Variants in MCC observed in about 807,000 individuals in gnomAD.
MCC encodes colorectal mutant cancer protein.
MCC carries 90 observed loss-of-function variants against 116.2 expected under a neutral mutation model. The ratio of observed to expected loss-of-function variants is 0.77; its 90% CI spans 0.65 to 0.92. The LOEUF (loss-of-function observed/expected upper bound fraction) is 0.92. Ranked by LOEUF, MCC falls within the 40% of genes least tolerant of loss-of-function variation. The probability of loss-of-function intolerance (pLI) is 0.00; values close to 1 mark genes in which losing one functional copy is unlikely to be tolerated. For synonymous variants in MCC, 578 were observed against 510.5 expected (o/e 1.13, Z -1.78); for missense variants, 1,516 against 1,312.2 (o/e 1.16, Z -2.40).
chr5:113,063,974 T>C lies in MCC; in HGVS notation c.2213+10A>G, dbSNP rs1753402153. 1.2e-6 allele frequency: 2 copies of C among 1,608,512 alleles called. No homozygotes were observed. Among genetic ancestry groups the C allele is most frequent in the South Asian group, 2.2e-5 (2 of 90,482 alleles). On this transcript the variant is annotated intron_variant, in intron 14 of 18. Coordinates refer to ENST00000408903, the MANE Select transcript of MCC (RefSeq NM_001085377.2). ...ACACGCCCACCCCAGAGCAGAAGGC[T>C]GAGCATTACCTGGTGTGGCTGTTGG... is the stretch of plus-strand genomic sequence containing the variant.
chr5:113,084,273 C>CT, intron 9 of MCC, 83 bp from the exon 10 acceptor site: 3 of 1,048,790 alleles, frequency 2.9e-6, no homozygotes, highest in Non-Finnish European at 4.4e-6. Flanking sequence ...TACAGGGCTA[C>CT]TTTTTAGCCA....
At chr5:113,425,781 T>C (rs1463825118) in intron 1 of MCC, among the ~76,000 whole-genome samples, 1 of 152,024 alleles carries the variant, frequency 6.6e-6, no homozygotes, top group Non-Finnish European at 1.5e-5. Context: ...GTGTTGTTTT[T>C]CATTAGGGAT....
chr5:113,068,644 ACTCT>A (rs1312264848), intron 12 of MCC, among the ~76,000 whole-genome samples: 1 of 152,056 alleles, frequency 6.6e-6, no homozygotes, highest in Non-Finnish European at 1.5e-5. Context: ...CATCTTGGTC[ACTCT>A]CTCTCACTTC....
At chr5:113,462,801 A>C (rs461034) in intron 1 of MCC, among the ~76,000 whole-genome samples, 60,969 of 152,096 alleles carry the variant, frequency 0.4, 13,723 homozygotes, top group East Asian at 0.71. Context: ...TTTACTGAAT[A>C]GTAACAATGT....
intron 3 of MCC, among the ~76,000 whole-genome samples, chr5:113,301,821 T>C (rs1766868992): frequency 6.6e-6 from 1 of 152,190 alleles, no homozygotes. Flanking sequence ...ATTATAATAG[T>C]TTACTAGCAG....
intron 4 of MCC, among the ~76,000 whole-genome samples, chr5:113,148,909 T>G (rs1460680082): frequency 6.6e-6 from 1 of 152,174 alleles, no homozygotes; most frequent in Admixed American, 6.5e-5. Context: ...AGCTATTACA[T>G]GAGGATGGCT....
intron 1 of MCC, among the ~76,000 whole-genome samples, chr5:113,404,782 T>G (rs1348898713): frequency 6.6e-6 from 1 of 150,936 alleles, no homozygotes; most frequent in East Asian, 1.9e-4. Flanking sequence ...AGCAGCTCTG[T>G]ATAATGGTGG....
intron 2 of MCC, among the ~76,000 whole-genome samples, chr5:113,373,572 T>C (rs1403587634): frequency 1.3e-5 from 2 of 152,208 alleles, no homozygotes; most frequent in Non-Finnish European, 2.9e-5. Context: ...GGGGAAGGTT[T>C]ACAGTTTCCT....
intron 3 of MCC, among the ~76,000 whole-genome samples, chr5:113,159,181 G>C (rs969648870): frequency 4.6e-5 from 7 of 152,082 alleles, no homozygotes; most frequent in African/African-American, 1.4e-4. Context: ...GTTTGTATCG[G>C]ATTACCTCTA....
At chr5:113,368,231 C>T (rs1479316194) in intron 2 of MCC, among the ~76,000 whole-genome samples, 1 of 150,332 alleles carries the variant, frequency 6.7e-6, no homozygotes, top group African/African-American at 2.5e-5. Flanking sequence ...TTGAATTTGT[C>T]CTGTTTTGAT....
Position 113,049,430 on chromosome 5 carries a change from T to C in MCC, c.2449-131A>G, listed in dbSNP as rs369344740. 4.3e-6 allele frequency: 3 copies of C among 703,876 alleles called. No individual in the cohort carries two copies. The East Asian group carries it at 8.2e-5, about 19-fold the overall frequency. The allele number at this position is 703,876 out of a possible 1,614,324, so 43.6% of individuals were successfully genotyped here. A position where few individuals can be genotyped will look rare whatever the true frequency, so the allele number is the denominator to read the frequency against. ...CCATGGTAGAGTTCTCACTTTGAAGTTGGCAGTAGGATGAGTGGGAGGAGA... is the reference window on the plus strand; with the variant it reads ...CCATGGTAGAGTTCTCACTTTGAAGCTGGCAGTAGGATGAGTGGGAGGAGA... On this transcript the variant is annotated intron_variant, in intron 15 of 18. Transcript: ENST00000408903.
At chr5:113,328,098 G>A (rs1767610895) in intron 3 of MCC, among the ~76,000 whole-genome samples, 1 of 152,132 alleles carries the variant, frequency 6.6e-6, no homozygotes. Context: ...GTAAATGCCA[G>A]TCTTATAAAT....
intron 3 of MCC, among the ~76,000 whole-genome samples, chr5:113,224,240 G>T (rs996611588): frequency 1.3e-5 from 2 of 151,988 alleles, no homozygotes; most frequent in African/African-American, 4.8e-5. Context: ...GATCAGGCAC[G>T]CGCGACCACA....
At chr5:113,217,877 G>A (rs1279337952) in intron 3 of MCC, among the ~76,000 whole-genome samples, 1 of 152,110 alleles carries the variant, frequency 6.6e-6, no homozygotes, top group Admixed American at 6.5e-5. Flanking sequence ...ATGAGCACAT[G>A]AGTGTGCACA....
At chr5:113,266,711 C>T (rs904152907) in intron 3 of MCC, among the ~76,000 whole-genome samples, 2 of 152,110 alleles carry the variant, frequency 1.3e-5, no homozygotes, top group Admixed American at 6.5e-5. Flanking sequence ...CACCTCAGCA[C>T]TTACAAAGCT....
intron 1 of MCC, among the ~76,000 whole-genome samples, chr5:113,464,241 A>T (rs1771835053): frequency 1.3e-5 from 2 of 152,160 alleles, no homozygotes; most frequent in African/African-American, 4.8e-5. Context: ...CAGGAAACTC[A>T]ATTAGACTAA....
chr5:113,256,141 A>T (rs17324474), intron 3 of MCC, among the ~76,000 whole-genome samples: 13,405 of 152,194 alleles, frequency 0.088, 882 homozygotes, highest in Non-Finnish European at 0.12. Context: ...CTAATTCAGA[A>T]GAAACCAGCA....
chr5:113,143,497 G>T, intron 4 of MCC, 137 bp from the exon 5 acceptor site: 1 of 880,560 alleles, frequency 1.1e-6, no homozygotes. Flanking sequence ...TCAGCTCATC[G>T]GCTGGCAATC....
chr5:113,412,246 A>T (rs1355713148), intron 1 of MCC, among the ~76,000 whole-genome samples: 2 of 152,076 alleles, frequency 1.3e-5, no homozygotes, highest in African/African-American at 4.8e-5. Flanking sequence ...GATTGTCCTG[A>T]CAATGCAGGC....
Sources: gnomAD v4.1 joint callset for allele counts (sites outside exome capture counted in the v4.1 genomes callset) on GRCh38, gnomAD v4.1.1 for gene constraint, MANE v1.5 for transcripts, NCBI Gene and HGNC (gene_info 2026-07-23, HGNC 2026-07-21) for gene names.